Variants in RBM20 observed in about 807,000 individuals in gnomAD.
RBM20 encodes the protein RNA binding motif protein 20, also known as RNA-binding protein 20.
A neutral mutation model predicts 110.1 loss-of-function variants in RBM20; 51 were observed. The ratio of observed to expected loss-of-function variants is 0.46; its 90% CI spans 0.37 to 0.59. RBM20 has a LOEUF of 0.59. Among genes scored for constraint, RBM20 ranks in the 20% least tolerant of loss-of-function variants. The probability of loss-of-function intolerance (pLI) is 0.00; values close to 1 mark genes in which losing one functional copy is unlikely to be tolerated. For synonymous variants in RBM20, 589 were observed against 618.2 expected, an observed-to-expected ratio of 0.95 and a Z score of 0.70; for missense variants, 1,512 against 1,574.9, an observed-to-expected ratio of 0.96 and a Z score of 0.68.
rs185086159 is a variant in RBM20 at position 110,730,592 on chromosome 10, C to T, written c.192-50209C>T. 9.7e-4 allele frequency among the ~76,000 whole-genome samples: 148 copies of T among 152,372 alleles called. 1 individual carries two copies. Among genetic ancestry groups the T allele is most frequent in the African/African-American group, 3.3e-3 (138 of 41,598 alleles). On this transcript the variant is annotated intron_variant, in intron 1 of 13. Coordinates refer to ENST00000369519, the MANE Select transcript of RBM20 (RefSeq NM_001134363.3). Reference sequence around the variant, plus strand: ...GTGGCCTTGAACAAGCTTTAAGTTGCTAGGAACTTCATCTGTAAAATGGGC... The same window carrying T: ...GTGGCCTTGAACAAGCTTTAAGTTGTTAGGAACTTCATCTGTAAAATGGGC...
In RBM20 at chr10:110,747,619, G is replaced by T. The variant is rs370462955; in HGVS notation, c.192-33182G>T. Among the ~76,000 whole-genome samples, 601 of 152,242 alleles carry T rather than the reference G, an allele frequency of 3.9e-3. 4 individuals are homozygous for T. The highest frequency in any genetic ancestry group is 0.014 in the African/African-American group (567 of 41,550). On this transcript the variant is annotated intron_variant, in intron 1 of 13. Transcript: ENST00000369519. ...AGGAAGACACTTTTATTTCCATTTT[G>T]TGAATAAGAAAACTAACACCCAGGG...
At chr10:110,769,867 C>T (rs986574683) in intron 1 of RBM20, among the ~76,000 whole-genome samples, 3 of 151,978 alleles carry the variant, frequency 2.0e-5, no homozygotes, top group East Asian at 1.9e-4. Context: ...TACAGTTGTG[C>T]GCCACCATGC....
intron 1 of RBM20, among the ~76,000 whole-genome samples, chr10:110,658,086 A>T (rs1359508402): frequency 2.6e-5 from 4 of 152,180 alleles, no homozygotes; most frequent in Non-Finnish European, 4.4e-5. Context: ...AATTATGACC[A>T]TGGAAGTCGG....
intron 1 of RBM20, among the ~76,000 whole-genome samples, chr10:110,754,291 G>A (rs1334557095): frequency 6.6e-6 from 1 of 152,098 alleles, no homozygotes; most frequent in Non-Finnish European, 1.5e-5. Context: ...TAATCACTGT[G>A]ATCACTGGTA....
At chr10:110,766,771 C>T (rs1160779579) in intron 1 of RBM20, among the ~76,000 whole-genome samples, 43 of 132,156 alleles carry the variant, frequency 3.3e-4, no homozygotes, top group African/African-American at 1.2e-3. Flanking sequence ...ATCTTTTCCC[C>T]GCCTTTCCCC....
chr10:110,834,795 T>C (rs1845102127), intron 13 of RBM20, among the ~76,000 whole-genome samples: 1 of 152,188 alleles, frequency 6.6e-6, no homozygotes, highest in Non-Finnish European at 1.5e-5. Flanking sequence ...CTCTTTGCCT[T>C]TTCCTTGCTG....
chr10:110,774,001 C>G (rs1272258745), intron 1 of RBM20, among the ~76,000 whole-genome samples: 1 of 152,148 alleles, frequency 6.6e-6, no homozygotes, highest in African/African-American at 2.4e-5. Context: ...GTTTTTGGAG[C>G]TCCCTTTAAT....
At chr10:110,760,188 G>A (rs1398677702) in intron 1 of RBM20, among the ~76,000 whole-genome samples, 1 of 152,206 alleles carries the variant, frequency 6.6e-6, no homozygotes, top group African/African-American at 2.4e-5. Context: ...GAACATAAGT[G>A]TGAAAACCCA....
At chr10:110,685,495 T>C (rs1158939906) in intron 1 of RBM20, among the ~76,000 whole-genome samples, 1 of 152,122 alleles carries the variant, frequency 6.6e-6, no homozygotes, top group African/African-American at 2.4e-5. Flanking sequence ...AACACCTAGA[T>C]AGGAAGGAGA....
Position 110,780,805 on chromosome 10 carries a change from G to A in RBM20, c.196G>A (p.Ala66Thr), listed in dbSNP as rs1051972948. ...TAGACCTCTGTCTTCCCACAGTGCC[G>A]CCAAGCTCCTGGACAAGAACCCATT... ...AGLPQIIQNA[A>T]KLLDKNPFSV... is the part of the protein sequence containing the mutation. Residue 66 changes from alanine (A) to threonine (T), a missense_variant, in exon 2 of 14, where the codon GCC becomes ACC. Around this residue, in one of 3 missense-constraint regions of RBM20, gnomAD observed 1,149 missense variants for 1,169.4 expected, o/e 0.98. Transcript: ENST00000369519. 37 of 1,514,172 alleles carry A rather than the reference G, an allele frequency of 2.4e-5. No homozygotes were observed. The highest frequency in any genetic ancestry group is 2.9e-5 in the Non-Finnish European group (33 of 1,126,240). The allele number at this position is 1,514,172 out of a possible 1,614,324, so 93.8% of individuals were successfully genotyped here.
chr10:110,728,450 C>A (rs911493793), intron 1 of RBM20, among the ~76,000 whole-genome samples: 5 of 152,134 alleles, frequency 3.3e-5, no homozygotes, highest in African/African-American at 9.7e-5. Context: ...AAGGTTGATT[C>A]TTTACTAGAC....
chr10:110,744,276 T>G (rs191464572), intron 1 of RBM20, among the ~76,000 whole-genome samples: 1 of 152,320 alleles, frequency 6.6e-6, no homozygotes, highest in East Asian at 1.9e-4. Flanking sequence ...CTGTGGTTTC[T>G]GTCACCCTGA....
intron 1 of RBM20, among the ~76,000 whole-genome samples, chr10:110,678,966 CA>C (rs1241150969): frequency 6.6e-6 from 1 of 152,126 alleles, no homozygotes; most frequent in Non-Finnish European, 1.5e-5. Context: ...AGAGGCTCTG[CA>C]GTGGTTTAAT....
In RBM20 at chr10:110,836,997, A is replaced by C. The variant is rs1845139920; in HGVS notation, c.*1019A>C. Reference sequence around the variant, plus strand: ...AGCTTATTTAAGTCAAGGAAACATCATCTGTCCTTGATTCAGCCTTGGTGC... The same window carrying C: ...AGCTTATTTAAGTCAAGGAAACATCCTCTGTCCTTGATTCAGCCTTGGTGC... On this transcript the variant is annotated 3_prime_UTR_variant, in exon 14 of 14. Coordinates refer to ENST00000369519, the MANE Select transcript of RBM20 (RefSeq NM_001134363.3). The C allele has an allele frequency of 2.0e-5, 3 of 152,254 alleles. No homozygotes were observed. The highest frequency in any genetic ancestry group is 6.5e-5 in the Admixed American group (1 of 15,294). The allele number at this position is 152,254 out of a possible 1,614,324, so 9.4% of individuals were successfully genotyped here. A position where few individuals can be genotyped will look rare whatever the true frequency, so the allele number is the denominator to read the frequency against.
At chr10:110,710,738 G>A (rs978828576) in intron 1 of RBM20, among the ~76,000 whole-genome samples, 3 of 152,170 alleles carry the variant, frequency 2.0e-5, no homozygotes, top group Non-Finnish European at 4.4e-5. Context: ...AGCTAGACAC[G>A]TGCGTCATCA....
intron 1 of RBM20, among the ~76,000 whole-genome samples, chr10:110,725,941 C>G (rs963388570): frequency 6.6e-6 from 1 of 151,910 alleles, no homozygotes; most frequent in Non-Finnish European, 1.5e-5. Context: ...TCCTGCCCCC[C>G]TCCCCCGACC....
At chr10:110,757,668 A>G (rs1194436600) in intron 1 of RBM20, among the ~76,000 whole-genome samples, 1 of 152,244 alleles carries the variant, frequency 6.6e-6, no homozygotes, top group South Asian at 2.1e-4. Context: ...GAATGAAGAC[A>G]GTGCAAAGTG....
Position 110,837,082 on chromosome 10 carries a change from G to A in RBM20, c.*1104G>A, listed in dbSNP as rs11195349. Reference sequence around the variant, plus strand: ...TGGTTTTTAAATGGCCCCCCAGTTGGGGGAGAAGCTAAGGAAAGAGAAGGC... The same window carrying A: ...TGGTTTTTAAATGGCCCCCCAGTTGAGGGAGAAGCTAAGGAAAGAGAAGGC... On this transcript the variant is annotated 3_prime_UTR_variant, in exon 14 of 14. Coordinates refer to ENST00000369519, the MANE Select transcript of RBM20 (RefSeq NM_001134363.3). 52,259 of 152,176 alleles carry A rather than the reference G, an allele frequency of 0.34. 10,340 individuals carry two copies. The highest frequency in any genetic ancestry group is 0.45 in the Non-Finnish European group (30,442 of 67,992). 9.4% of individuals were successfully genotyped at this position (152,176 alleles called of 1,614,324 possible). A position where few individuals can be genotyped will look rare whatever the true frequency, so the allele number is the denominator to read the frequency against.
intron 1 of RBM20, among the ~76,000 whole-genome samples, chr10:110,676,611 G>T (rs552387394): frequency 4.4e-4 from 67 of 152,322 alleles, no homozygotes; most frequent in African/African-American, 1.5e-3. Flanking sequence ...CAATTGTAGA[G>T]TTTTTCTTTA....
Sources: allele counts gnomAD v4.1 joint callset (sites outside exome capture counted in the v4.1 genomes callset), GRCh38; gene constraint gnomAD v4.1.1; regional missense constraint gnomAD v4.1.1; transcripts MANE v1.5; gene names NCBI Gene and HGNC (gene_info 2026-07-23, HGNC 2026-07-21).